The following SLC26A5 variants were observed in gnomAD, a reference collection of about 807,000 sequenced individuals.
The protein encoded by SLC26A5 is prestin.
Under a neutral mutation model 81.0 loss-of-function variants are expected in SLC26A5, and 51 were observed. The observed-to-expected ratio is 0.63, with a 90% CI of 0.50 to 0.80. The LOEUF (loss-of-function observed/expected upper bound fraction) is 0.80. Ranked by LOEUF, SLC26A5 falls within the 30% of genes least tolerant of loss-of-function variation. SLC26A5 has a pLI of 0.00. For missense variants in SLC26A5, 771 were observed against 905.8 expected (o/e 0.85, Z 1.91); for synonymous variants, 325 against 332.8 (o/e 0.98, Z 0.25).
At position 103,367,838 on chromosome 7, in the gene SLC26A5, C is replaced by T. The variant is rs369296808; in HGVS notation, c.2041+8970G>A. 6.2e-7 allele frequency: 1 copy of T among 1,611,810 alleles called. No individual in the cohort carries two copies. The highest frequency in any genetic ancestry group is 1.1e-5 in the South Asian group (1 of 90,700). On this transcript the variant is annotated intron_variant, in intron 19 of 19. Transcript: ENST00000339444. This position sits in a 1 kb window ranked among gnomAD's most constrained non-coding sequence, Gnocchi z 6.1. ...AGTAGAAAGTTCTTGCTTATATTTG[C>T]TGGTCTGTCTGCTCAGGCTGCTTTA...
intron 9 of SLC26A5, among the ~76,000 whole-genome samples, chr7:103,394,030 G>A (rs1822887793): frequency 6.6e-6 from 1 of 152,144 alleles, no homozygotes; most frequent in Non-Finnish European, 1.5e-5. Context: ...AAGAAAATGA[G>A]GTATAGCAAG....
chr7:103,399,282 G>A (rs1380309973), intron 8 of SLC26A5, among the ~76,000 whole-genome samples: 1 of 152,060 alleles, frequency 6.6e-6, no homozygotes, highest in Non-Finnish European at 1.5e-5. Flanking sequence ...TTCATAATTG[G>A]GGCTTGCCTG....
At chr7:103,431,126 A>ACTTC (rs1826051417) in intron 2 of SLC26A5, among the ~76,000 whole-genome samples, 1 of 152,238 alleles carries the variant, frequency 6.6e-6, no homozygotes, top group Admixed American at 6.5e-5. Flanking sequence ...AATGACAGAT[A>ACTTC]CTTCAATAGA....
chr7:103,445,477 C>T (rs1018486154), intron 1 of SLC26A5: 1 of 152,272 alleles, frequency 6.6e-6, no homozygotes, highest in African/African-American at 2.4e-5. Flanking sequence ...GAAGGATTTC[C>T]CGGGAGGGGG....
intron 2 of SLC26A5, among the ~76,000 whole-genome samples, chr7:103,425,833 C>T (rs1476259134): frequency 6.6e-6 from 1 of 152,144 alleles, no homozygotes; most frequent in Non-Finnish European, 1.5e-5. Flanking sequence ...GCTTTAAATA[C>T]TGATGCCCGA....
intron 4 of SLC26A5, among the ~76,000 whole-genome samples, chr7:103,419,092 C>T (rs536809976): frequency 1.3e-5 from 2 of 152,300 alleles, no homozygotes; most frequent in South Asian, 4.1e-4. Flanking sequence ...TCTCTCTTGC[C>T]TGCCACCATG....
chr7:103,362,942 C>T (rs1008855840), intron 19 of SLC26A5, among the ~76,000 whole-genome samples: 8 of 151,640 alleles, frequency 5.3e-5, no homozygotes, highest in Admixed American at 2.0e-4. Flanking sequence ...TACAGGCACC[C>T]GCCACCACGC....
At chr7:103,362,111 ATACTT>A in intron 19 of SLC26A5, 1 of 1,611,138 alleles carries the variant, frequency 6.2e-7, no homozygotes, top group South Asian at 1.1e-5. Flanking sequence ...TTTACAATAA[ATACTT>A]TTCTTTCACT....
chr7:103,413,015 T>G lies in SLC26A5; in HGVS notation c.390A>C (p.Arg130Ser), dbSNP rs431905517. ...VIMYCFLGTS[R>S]HISIGPFAVI... Reference sequence around the variant, plus strand: ...GTAAGCTTTTACCTATGGATATGTGTCTGGAGGTTCCAAGAAAACAATACA... The same window carrying G: ...GTAAGCTTTTACCTATGGATATGTGGCTGGAGGTTCCAAGAAAACAATACA... The change falls in exon 5 of 20, where the codon AGA becomes AGC. Residue 130 changes from arginine to serine, a missense_variant. Coordinates refer to ENST00000306312, the MANE Select transcript of SLC26A5 (RefSeq NM_198999.3). The G allele has an allele frequency of 6.2e-7, 1 of 1,606,556 alleles. No homozygotes were observed. Among genetic ancestry groups the G allele is most frequent in the Non-Finnish European group, 8.5e-7 (1 of 1,173,160 alleles).
At chr7:103,412,597 T>G (rs1252313340) in intron 5 of SLC26A5, among the ~76,000 whole-genome samples, 1 of 148,990 alleles carries the variant, frequency 6.7e-6, no homozygotes, top group Non-Finnish European at 1.5e-5. Flanking sequence ...TTGCCCAGGT[T>G]GGAGTGCAGT....
In SLC26A5 at chr7:103,401,827, T is replaced by A. The variant is rs185856993; in HGVS notation, c.889-3813A>T. ...TATTGAGATAATCAAGTGGTTTTTG[T>A]CATTGGTTCTGTTTATGTGATGGAC... On this transcript the variant is annotated intron_variant, in intron 8 of 19. Coordinates refer to ENST00000306312, the MANE Select transcript of SLC26A5 (RefSeq NM_198999.3). Among the ~76,000 whole-genome samples the A allele has an allele frequency of 5.9e-5, 9 of 152,368 alleles. No individual in the cohort carries two copies. The East Asian group carries it at 1.7e-3, about 29-fold the overall frequency.
chr7:103,361,330 C>G (rs565577133), intron 19 of SLC26A5, among the ~76,000 whole-genome samples: 1 of 144,728 alleles, frequency 6.9e-6, no homozygotes, highest in South Asian at 2.2e-4. Context: ...GAAACCCCCT[C>G]TCTACTAAAA....
intron 2 of SLC26A5, among the ~76,000 whole-genome samples, chr7:103,424,358 C>G (rs1379038744): frequency 2.0e-5 from 3 of 152,050 alleles, no homozygotes; most frequent in African/African-American, 7.2e-5. Flanking sequence ...ACTGTAAATT[C>G]TTTGAGACAA....
intron 12 of SLC26A5, 135 bp downstream of exon 12, chr7:103,390,294 G>T: frequency 1.2e-6 from 1 of 835,126 alleles, no homozygotes; most frequent in Non-Finnish European, 2.0e-6. Context: ...CTTGGTCCTA[G>T]CCTTGGCCCT....
chr7:103,403,067 G>A (rs1353893976), intron 8 of SLC26A5, among the ~76,000 whole-genome samples: 4 of 152,214 alleles, frequency 2.6e-5, no homozygotes, highest in South Asian at 2.1e-4. Context: ...GATTCTGGTC[G>A]TTGTGTCTTT....
At chr7:103,398,787 A>G (rs1307904959) in intron 8 of SLC26A5, among the ~76,000 whole-genome samples, 1 of 152,202 alleles carries the variant, frequency 6.6e-6, no homozygotes, top group East Asian at 1.9e-4. Context: ...CCTCCTGAGG[A>G]GGGCCACTGC....
chr7:103,436,350 G>A (rs994137624), intron 2 of SLC26A5, among the ~76,000 whole-genome samples: 9 of 152,072 alleles, frequency 5.9e-5, no homozygotes, highest in East Asian at 1.9e-4. Context: ...GGGAATAGGC[G>A]AGTTTCTGGA....
In SLC26A5 at chr7:103,389,013, T is replaced by G. The variant is rs1822429082; in HGVS notation, c.1509A>C (p.Thr503=). The change falls in exon 14 of 20, where the codon ACA becomes ACC. Residue 503 remains threonine (T), a synonymous_variant. Coordinates refer to ENST00000306312, the MANE Select transcript of SLC26A5 (RefSeq NM_198999.3). ...IIALLTVIYR[T]QSPSYKVLGK... is the part of the protein sequence containing the mutation. The stretch of plus-strand genomic sequence containing the variant: ...ATTCCAATCTGGGCACTCACCTCTG[T>G]GTTCTGTAAATCACAGTCAGCAGAG... The G allele has an allele frequency of 1.2e-6, 2 of 1,609,854 alleles. No homozygotes were observed.
intron 14 of SLC26A5, among the ~76,000 whole-genome samples, chr7:103,382,086 T>A (rs1796698552): frequency 6.6e-6 from 1 of 152,060 alleles, no homozygotes; most frequent in Non-Finnish European, 1.5e-5. Context: ...AACGCTGAAT[T>A]TCGCAGAGTT....
Sources: gnomAD v4.1 joint callset for allele counts (sites outside exome capture counted in the v4.1 genomes callset) on GRCh38, gnomAD v4.1.1 for gene constraint, Gnocchi (gnomAD v3.1) non-coding constraint, MANE v1.5 for transcripts, NCBI Gene and HGNC (gene_info 2026-07-23, HGNC 2026-07-21) for gene names.